Variants in GCNT2 observed in about 807,000 individuals in gnomAD.
GCNT2 encodes N-acetyllactosaminide beta-1,6-N-acetylglucosaminyl-transferase.
In GCNT2, 34 loss-of-function variants were observed where a neutral mutation model predicts 34.2. The observed-to-expected ratio is 1.00, with a 90% CI of 0.76 to 1.32. The LOEUF (loss-of-function observed/expected upper bound fraction) is 1.32, where lower values mean the gene tolerates loss of function less well. Ranked by LOEUF, GCNT2 falls within the 40% of genes most tolerant of loss-of-function variation. GCNT2 has a pLI of 0.00. For missense variants in GCNT2, 584 were observed against 489.4 expected (o/e 1.19, Z -1.82); for synonymous variants, 212 against 188.0 (o/e 1.13, Z -1.04).
At chr6:10,582,487 C>T (rs924980818) in intron 3 of GCNT2, among the ~76,000 whole-genome samples, 1 of 103,680 alleles carries the variant, frequency 9.6e-6, no homozygotes, top group African/African-American at 5.7e-5. Flanking sequence ...ATAATATATA[C>T]TATAATATAT....
rs1254996839 is a variant in GCNT2 at position 10,617,743 on chromosome 6, A to ATTTTTTTTT, written c.926-3605_926-3604insTTTTTTTTT. The stretch of plus-strand genomic sequence containing the variant: ...GCCACTGCACCTGGCCAGAGTCTGC[A>ATTTTTTTTT]TTTCTTCTTTTTTTTTTTTTTTTTT... On this transcript the variant is annotated intron_variant, in intron 3 of 4. Transcript: ENST00000495262. Among the ~76,000 whole-genome samples, 263 of 112,698 alleles carry ATTTTTTTTT rather than the reference A, an allele frequency of 2.3e-3. 3 individuals carry two copies. Among genetic ancestry groups the ATTTTTTTTT allele is most frequent in the Middle Eastern group, 0.015 (3 of 204 alleles). The allele number at this position is 112,698 out of a possible 152,430, so 73.9% of individuals were successfully genotyped here. A position where few individuals can be genotyped will look rare whatever the true frequency, so the allele number is the denominator to read the frequency against.
At chr6:10,566,211 TCA>T (rs1763277887) in intron 3 of GCNT2, among the ~76,000 whole-genome samples, 1 of 151,462 alleles carries the variant, frequency 6.6e-6, no homozygotes, top group South Asian at 2.1e-4. Flanking sequence ...CAGCTTAGAG[TCA>T]CACTCTGTAA....
At chr6:10,527,205 C>T (rs1204896314) in intron 1 of GCNT2, among the ~76,000 whole-genome samples, 1 of 152,128 alleles carries the variant, frequency 6.6e-6, no homozygotes, top group Non-Finnish European at 1.5e-5. Context: ...GGGTGGATCA[C>T]CTGAGGTCAG....
intron 3 of GCNT2, chr6:10,586,075 C>T (rs775325397): frequency 1.2e-6 from 2 of 1,613,958 alleles, no homozygotes. Context: ...CAATTGAGCC[C>T]GCCAAAAAGT....
chr6:10,594,593 TA>T (rs1315627096), intron 3 of GCNT2, among the ~76,000 whole-genome samples: 1 of 152,194 alleles, frequency 6.6e-6, no homozygotes, highest in East Asian at 1.9e-4. Context: ...AATTAAATTT[TA>T]AAAATGGGGT....
At chr6:10,529,977 G>A in intron 3 of GCNT2, 141 bp downstream of exon 3, 2 of 682,556 alleles carry the variant, frequency 2.9e-6, no homozygotes, top group Non-Finnish European at 5.0e-6. Context: ...AATTTCATCT[G>A]TAAAATGGTA....
intron 3 of GCNT2, among the ~76,000 whole-genome samples, chr6:10,534,158 T>TTTTTTTTTTTTTTTTTTTTTTA (rs1554126559): frequency 6.8e-6 from 1 of 146,020 alleles, no homozygotes; most frequent in Admixed American, 6.9e-5. Context: ...TTTTTTTTTT[T>TTTTTTTTTTTTTTTTTTTTTTA]TAAGATGGAG....
intron 3 of GCNT2, among the ~76,000 whole-genome samples, chr6:10,612,306 T>G (rs540537896): frequency 6.6e-6 from 1 of 152,146 alleles, no homozygotes. Context: ...GTTTTAACTT[T>G]AGATCAATCA....
intron 3 of GCNT2, among the ~76,000 whole-genome samples, chr6:10,573,649 G>A (rs1763653584): frequency 6.6e-6 from 1 of 152,226 alleles, no homozygotes; most frequent in Admixed American, 6.5e-5. Flanking sequence ...TTAGCAAACA[G>A]CAGGGCCAGG....
intron 3 of GCNT2, among the ~76,000 whole-genome samples, chr6:10,596,220 C>G (rs189560166): frequency 6.6e-6 from 1 of 152,036 alleles, no homozygotes; most frequent in Admixed American, 6.6e-5. Context: ...AGGCAGAATG[C>G]GGTTTGTTAA....
chr6:10,543,433 C>T (rs1208570418), intron 3 of GCNT2, among the ~76,000 whole-genome samples: 1 of 152,118 alleles, frequency 6.6e-6, no homozygotes, highest in East Asian at 1.9e-4. Flanking sequence ...TCAAATGATC[C>T]ACCTGCCTCG....
chr6:10,618,448 A>G (rs918906895), intron 3 of GCNT2, among the ~76,000 whole-genome samples: 1 of 152,228 alleles, frequency 6.6e-6, no homozygotes, highest in African/African-American at 2.4e-5. Context: ...AGTAAGAGTC[A>G]GTTTGGGATT....
At chr6:10,612,637 C>T (rs1765607855) in intron 3 of GCNT2, among the ~76,000 whole-genome samples, 1 of 152,202 alleles carries the variant, frequency 6.6e-6, no homozygotes, top group South Asian at 2.1e-4. Flanking sequence ...GTATGCCAGG[C>T]ATTGCAAAGC....
At chr6:10,556,209 A>C in intron 3 of GCNT2, 1 of 1,423,868 alleles carries the variant, frequency 7.0e-7, no homozygotes, top group Admixed American at 2.9e-5. Flanking sequence ...TAAACAAAGG[A>C]GGTTTGAGAG....
At position 10,605,083 on chromosome 6, in the gene GCNT2, C is replaced by T. The variant is rs1304940635; in HGVS notation, c.926-16268C>T. Among the ~76,000 whole-genome samples the T allele has an allele frequency of 2.0e-5, 3 of 151,900 alleles. No individual in the cohort carries two copies. In the East Asian group the frequency reaches 5.9e-4, roughly 30 times the overall value. On this transcript the variant is annotated intron_variant, in intron 3 of 4. Coordinates refer to ENST00000495262, the MANE Select transcript of GCNT2 (RefSeq NM_145649.5). ...ATCACTTGAGCTTAGGAGGTGAAGG[C>T]TGCAGTGATCCATGATTGCGCCATG...
At chr6:10,545,036 A>G (rs1242778205) in intron 3 of GCNT2, among the ~76,000 whole-genome samples, 2 of 152,180 alleles carry the variant, frequency 1.3e-5, no homozygotes, top group Admixed American at 6.5e-5. Context: ...TTTAATCCTA[A>G]TATGTAGTTA....
intron 3 of GCNT2, among the ~76,000 whole-genome samples, chr6:10,571,938 T>C (rs779894901): frequency 3.3e-5 from 5 of 152,190 alleles, no homozygotes; most frequent in Non-Finnish European, 5.9e-5. Context: ...ATGTTTCTTT[T>C]CCTTTCACAC....
chr6:10,595,137 A>ACC lies in GCNT2; in HGVS notation c.926-26211_926-26210dup, dbSNP rs35251320. ...TTATGACCACCAAAAAGCTTCACTTACCCCTTACATAACACTATGAAATGT... is the reference window on the plus strand; with the variant it reads ...TTATGACCACCAAAAAGCTTCACTTACCCCCCTTACATAACACTATGAAATGT... On this transcript the variant is annotated intron_variant, in intron 3 of 4. Transcript: ENST00000495262. Among the ~76,000 whole-genome samples the ACC allele has an allele frequency of 1.2e-3, 190 of 152,242 alleles. 1 individual carries two copies. The highest frequency in any genetic ancestry group is 4.1e-3 in the African/African-American group (171 of 41,546).
intron 3 of GCNT2, among the ~76,000 whole-genome samples, chr6:10,541,012 T>C (rs1219270030): frequency 6.6e-6 from 1 of 152,144 alleles, no homozygotes; most frequent in Non-Finnish European, 1.5e-5. Context: ...ATTGTTTTTG[T>C]TTTCTTTCTA....
Sources: gnomAD v4.1 joint callset for allele counts (sites outside exome capture counted in the v4.1 genomes callset) on GRCh38, gnomAD v4.1.1 for gene constraint, MANE v1.5 for transcripts, NCBI Gene and HGNC (gene_info 2026-07-23, HGNC 2026-07-21) for gene names.